TNFAIP8: variants seen among roughly 807,000 people sequenced by gnomAD.
The protein encoded by TNFAIP8 is TNF alpha induced protein 8.
TNFAIP8 carries 7 observed loss-of-function variants against 13.3 expected under a neutral mutation model. The ratio of observed to expected loss-of-function variants is 0.52; its 90% CI spans 0.30 to 0.99. TNFAIP8 has a LOEUF of 0.99. TNFAIP8 is among the 50% of genes least tolerant of loss of function. The probability of loss-of-function intolerance (pLI) is 0.07; values close to 1 mark genes in which losing one functional copy is unlikely to be tolerated. For synonymous variants in TNFAIP8, 94 were observed against 87.6 expected, an observed-to-expected ratio of 1.07 and a Z score of -0.41; for missense variants, 258 against 236.9, an observed-to-expected ratio of 1.09 and a Z score of -0.58.
chr5:119,338,882 A>C (rs1230242485), intron 1 of TNFAIP8, among the ~76,000 whole-genome samples: 2 of 152,150 alleles, frequency 1.3e-5, no homozygotes, highest in African/African-American at 2.4e-5. Flanking sequence ...CTATATATAC[A>C]AAAAGTAAAA....
At chr5:119,318,843 G>A (rs754871049) in intron 1 of TNFAIP8, among the ~76,000 whole-genome samples, 3 of 152,026 alleles carry the variant, frequency 2.0e-5, no homozygotes, top group Non-Finnish European at 4.4e-5. Flanking sequence ...TTTAAAAATT[G>A]TTTTAGCCTA....
At chr5:119,302,451 T>TC (rs557353740) in intron 1 of TNFAIP8, among the ~76,000 whole-genome samples, 273 of 152,352 alleles carry the variant, frequency 1.8e-3, no homozygotes, top group African/African-American at 6.3e-3. Flanking sequence ...TTTCAGCTAG[T>TC]CACTGGGTAA....
intron 1 of TNFAIP8, among the ~76,000 whole-genome samples, chr5:119,372,322 CAA>C (rs67551765): frequency 6.4e-4 from 72 of 112,094 alleles, no homozygotes; most frequent in East Asian, 4.4e-3. Flanking sequence ...GACCCTGTCT[CAA>C]AAAAAAAAAA....
At chr5:119,290,227 T>C (rs1393418303) in intron 1 of TNFAIP8, among the ~76,000 whole-genome samples, 1 of 152,224 alleles carries the variant, frequency 6.6e-6, no homozygotes, top group Non-Finnish European at 1.5e-5. Context: ...AAAAAACATT[T>C]ATGGTTACAT....
intron 1 of TNFAIP8, among the ~76,000 whole-genome samples, chr5:119,389,217 A>G (rs1430373199): frequency 6.6e-6 from 1 of 152,208 alleles, no homozygotes; most frequent in African/African-American, 2.4e-5. Context: ...AGCACTTAGT[A>G]GGGAGGCAGG....
intron 1 of TNFAIP8, among the ~76,000 whole-genome samples, chr5:119,384,327 A>G (rs1002345312): frequency 2.0e-5 from 3 of 152,144 alleles, no homozygotes; most frequent in Non-Finnish European, 4.4e-5. Flanking sequence ...TCTACTAAAA[A>G]TACAACAATT....
At chr5:119,290,680 T>C (rs1748955332) in intron 1 of TNFAIP8, among the ~76,000 whole-genome samples, 1 of 152,188 alleles carries the variant, frequency 6.6e-6, no homozygotes, top group Non-Finnish European at 1.5e-5. Flanking sequence ...TCTTGGAGAC[T>C]GGCTGTATGA....
chr5:119,278,458 C>T (rs1220045234), intron 1 of TNFAIP8, among the ~76,000 whole-genome samples: 1 of 150,684 alleles, frequency 6.6e-6, no homozygotes, highest in African/African-American at 2.4e-5. Context: ...AATTGCTTCT[C>T]TAGTAGTGTC....
chr5:119,308,002 C>T (rs1392282636), intron 1 of TNFAIP8, among the ~76,000 whole-genome samples: 1 of 152,172 alleles, frequency 6.6e-6, no homozygotes, highest in Non-Finnish European at 1.5e-5. Context: ...AAATCACAAA[C>T]AGCACCTTGA....
upstream of TNFAIP8, among the ~76,000 whole-genome samples, chr5:119,353,648 T>TTATAAGGCTGATGGAGC (rs1751262495): frequency 6.6e-6 from 1 of 151,194 alleles, no homozygotes; most frequent in Non-Finnish European, 1.5e-5. Flanking sequence ...CTAAAATGAA[T>TTATAAGGCTGATGGAGC]TATAAGGCTG....
At chr5:119,379,070 T>C (rs2112833980) in intron 1 of TNFAIP8, among the ~76,000 whole-genome samples, 1 of 152,306 alleles carries the variant, frequency 6.6e-6, no homozygotes, top group African/African-American at 2.4e-5. Flanking sequence ...CTTTTAAAAA[T>C]AAATAAAACA....
intron 1 of TNFAIP8, among the ~76,000 whole-genome samples, chr5:119,344,672 G>A (rs970641895): frequency 7.9e-5 from 12 of 152,080 alleles, no homozygotes; most frequent in African/African-American, 2.9e-4. Context: ...GTTAGGCAAC[G>A]CTAACTAGAG....
chr5:119,282,280 A>T (rs1373904053), intron 1 of TNFAIP8, among the ~76,000 whole-genome samples: 1 of 52,814 alleles, frequency 1.9e-5, no homozygotes, highest in Non-Finnish European at 5.7e-5. Flanking sequence ...CCTTGTAAAG[A>T]GTTCAGTTAA....
intron 1 of TNFAIP8, among the ~76,000 whole-genome samples, chr5:119,310,847 T>G (rs1180667340): frequency 6.6e-6 from 1 of 152,004 alleles, no homozygotes; most frequent in Non-Finnish European, 1.5e-5. Context: ...AATCAATCAA[T>G]CAATACATTT....
At chr5:119,313,496 G>A (rs1016985385) in intron 1 of TNFAIP8, among the ~76,000 whole-genome samples, 4 of 152,112 alleles carry the variant, frequency 2.6e-5, no homozygotes, top group Admixed American at 2.6e-4. Context: ...GTTCCTAAGG[G>A]TCTCATAATA....
intron 1 of TNFAIP8, among the ~76,000 whole-genome samples, chr5:119,328,544 G>C (rs1009042296): frequency 6.6e-6 from 1 of 152,210 alleles, no homozygotes; most frequent in Non-Finnish European, 1.5e-5. Flanking sequence ...GAGACACACA[G>C]ATGAGAAGAC....
intron 1 of TNFAIP8, among the ~76,000 whole-genome samples, chr5:119,384,818 C>G (rs1752612161): frequency 6.6e-6 from 1 of 152,008 alleles, no homozygotes. Context: ...GAGTTTATGC[C>G]ATAAAGAAGG....
intron 1 of TNFAIP8, among the ~76,000 whole-genome samples, chr5:119,314,796 T>C (rs1470544499): frequency 1.3e-5 from 2 of 152,246 alleles, no homozygotes; most frequent in African/African-American, 4.8e-5. Context: ...TAATAGGACC[T>C]GCTTTTCAGT....
chr5:119,359,596 T>G (rs1303125457), intron 1 of TNFAIP8, among the ~76,000 whole-genome samples: 2 of 152,194 alleles, frequency 1.3e-5, no homozygotes, highest in Non-Finnish European at 2.9e-5. Flanking sequence ...TGGTGATTAA[T>G]ATCCTCTTCT....
Sources: gnomAD v4.1 joint callset for allele counts (sites outside exome capture counted in the v4.1 genomes callset) on GRCh38, gnomAD v4.1.1 for gene constraint, MANE v1.5 for transcripts, NCBI Gene and HGNC (gene_info 2026-07-23, HGNC 2026-07-21) for gene names.